Variants in XRCC1 observed in about 807,000 individuals in gnomAD.
XRCC1 encodes the protein X-ray repair cross complementing 1.
A neutral mutation model predicts 83.3 loss-of-function variants in XRCC1; 52 were observed. The ratio of observed to expected loss-of-function variants is 0.62; its 90% confidence interval spans 0.50 to 0.79. XRCC1 has a LOEUF of 0.79. Among genes scored for constraint, XRCC1 ranks in the 30% least tolerant of loss-of-function variants. XRCC1 has a pLI of 0.00. For missense variants in XRCC1, 793 were observed against 823.5 expected, an observed-to-expected ratio of 0.96 and a Z score of 0.45; for synonymous variants, 281 against 312.6, an observed-to-expected ratio of 0.90 and a Z score of 1.07.
At chr19:43,561,168 C>A in intron 2 of XRCC1, 148 bp from the exon 3 acceptor site, 1 of 681,846 alleles carries the variant, frequency 1.5e-6, no homozygotes, top group South Asian at 1.6e-5. Context: ...TGCCATGTGT[C>A]CCCTCCATGC....
rs759970912 is a variant in XRCC1, at chr19:43,552,029, C to A, written c.1070G>T (p.Ser357Ile). 1 of 1,613,904 alleles carries A rather than the reference C, an allele frequency of 6.2e-7. No individual in the cohort carries two copies. The highest frequency in any genetic ancestry group is 1.3e-5 in the African/African-American group (1 of 74,906). The change falls in exon 9 of 17, where the codon AGC becomes ATC. Residue 357 changes from serine to isoleucine, a missense_variant. Physicochemically the swap from Ser to Ile is moderately radical, Grantham distance 142 (BLOSUM62 -2). Coordinates refer to ENST00000262887, the MANE Select transcript of XRCC1 (RefSeq NM_006297.3). Reference sequence around the variant, plus strand: ...GGCGCAAGCCTACATGAGGTGCGTGCTGTCCCGGGTCCAGTCTGGCCGATA... The same window carrying A: ...GGCGCAAGCCTACATGAGGTGCGTGATGTCCCGGGTCCAGTCTGGCCGATA... ...AKYRPDWTRDSTHLICAFANT... is the reference protein window; with the variant it reads ...AKYRPDWTRDITHLICAFANT...
intron 10 of XRCC1, among the ~76,000 whole-genome samples, chr19:43,547,583 G>GC (rs1972526238): frequency 6.6e-6 from 1 of 151,828 alleles, no homozygotes; most frequent in Non-Finnish European, 1.5e-5. Flanking sequence ...CAGGGTTCGA[G>GC]CGAGTCTCCT....
intron 10 of XRCC1, among the ~76,000 whole-genome samples, chr19:43,549,928 G>C (rs1568512750): frequency 1.3e-5 from 2 of 152,166 alleles, no homozygotes; most frequent in East Asian, 3.9e-4. Flanking sequence ...CTCCCAGGCA[G>C]ATAATAACCC....
chr19:43,564,527 G>A (rs578029154), intron 2 of XRCC1, among the ~76,000 whole-genome samples: 7 of 152,272 alleles, frequency 4.6e-5, no homozygotes, highest in African/African-American at 1.4e-4. Flanking sequence ...AGTGGCTCAC[G>A]CCTGTAATCC....
At position 43,574,984 on chromosome 19, in the gene XRCC1, G is replaced by A; in HGVS notation, c.70C>T (p.Leu24Phe). The A allele has an allele frequency of 1.9e-6, 3 of 1,614,128 alleles. No individual in the cohort carries two copies. The highest frequency in any genetic ancestry group is 2.5e-6 in the Non-Finnish European group (3 of 1,179,982). ...SQDSTHCAENLLKADTYRKWR... is the reference protein window; with the variant it reads ...SQDSTHCAENFLKADTYRKWR... ...TTTCGGTAAGTGTCTGCCTTGAGAAGATTTTCTGCACAGTGAGTCTGGAAA... is the reference window on the plus strand; with the variant it reads ...TTTCGGTAAGTGTCTGCCTTGAGAAAATTTTCTGCACAGTGAGTCTGGAAA... The change falls in exon 2 of 17, where the codon CTT (leucine) becomes TTT (phenylalanine). Residue 24 changes from leucine (L) to phenylalanine (F), a missense_variant. Coordinates refer to ENST00000262887, the MANE Select transcript of XRCC1 (RefSeq NM_006297.3).
At chr19:43,560,149 G>T (rs1972682108) in intron 3 of XRCC1, among the ~76,000 whole-genome samples, 2 of 152,090 alleles carry the variant, frequency 1.3e-5, no homozygotes, top group South Asian at 4.1e-4. Flanking sequence ...CCAGCACTTT[G>T]GGAGGCTGAG....
intron 10 of XRCC1, among the ~76,000 whole-genome samples, chr19:43,551,082 C>T (rs776412522): frequency 6.6e-6 from 1 of 152,192 alleles, no homozygotes; most frequent in Non-Finnish European, 1.5e-5. Context: ...ATTCTCCTGC[C>T]TCAGCCTTCC....
At chr19:43,553,959 C>T (rs985956358) in intron 4 of XRCC1, among the ~76,000 whole-genome samples, 1 of 152,196 alleles carries the variant, frequency 6.6e-6, no homozygotes, top group African/African-American at 2.4e-5. Flanking sequence ...CTGCCCTATG[C>T]ACAAACTCCT....
intron 2 of XRCC1, among the ~76,000 whole-genome samples, chr19:43,567,036 CT>C (rs1273083040): frequency 6.6e-6 from 1 of 151,950 alleles, no homozygotes; most frequent in Non-Finnish European, 1.5e-5. Flanking sequence ...ATGGATGAAC[CT>C]CAGAAACATT....
chr19:43,557,971 T>C (rs991944460), intron 3 of XRCC1, among the ~76,000 whole-genome samples: 5 of 152,020 alleles, frequency 3.3e-5, no homozygotes, highest in African/African-American at 1.2e-4. Flanking sequence ...TTCCTTGTGA[T>C]TAATTTAGGT....
intron 2 of XRCC1, among the ~76,000 whole-genome samples, chr19:43,571,978 T>C (rs1187099631): frequency 6.6e-6 from 1 of 152,204 alleles, no homozygotes; most frequent in East Asian, 1.9e-4. Flanking sequence ...CAGCTCCACA[T>C]GTGATCCCCA....
At chr19:43,568,707 C>A (rs1183996568) in intron 2 of XRCC1, among the ~76,000 whole-genome samples, 1 of 146,116 alleles carries the variant, frequency 6.8e-6, no homozygotes, top group African/African-American at 2.5e-5. Context: ...CCCAAAAAAA[C>A]TGCTAATGGT....
At chr19:43,553,885 G>A (rs1600049790) in intron 4 of XRCC1, 1 of 505,706 alleles carries the variant, frequency 2.0e-6, no homozygotes, top group East Asian at 2.9e-5. Flanking sequence ...CTGGCTCCAA[G>A]CCCTTTTCAC....
At chr19:43,575,369 C>G (rs924172901) in intron 1 of XRCC1, 39 bp downstream of exon 1, 1 of 1,566,674 alleles carries the variant, frequency 6.4e-7, no homozygotes, top group East Asian at 2.3e-5. Flanking sequence ...CTCATTAATT[C>G]CCTCACGTCT....
rs6413430 is a variant in XRCC1 at position 43,553,385 on chromosome 19, C to T, written c.601+16G>A. 1.2e-5 allele frequency: 20 copies of T among 1,613,174 alleles called. No homozygotes were observed. In the African/African-American group the frequency reaches 1.7e-4, roughly 14 times the overall value. ...CTCAACCCTACTCACTCAGGACCCA[C>T]GTTGTCCGAGCTCACCTGGGGATGT... On this transcript the variant is annotated intron_variant, in intron 6 of 16. Coordinates refer to ENST00000262887, the MANE Select transcript of XRCC1 (RefSeq NM_006297.3).
chr19:43,546,910 C>G lies in XRCC1; in HGVS notation c.1267G>C (p.Asp423His). The G allele has an allele frequency of 6.2e-7, 1 of 1,614,044 alleles. No homozygotes were observed. The highest frequency in any genetic ancestry group is 8.5e-7 in the Non-Finnish European group (1 of 1,180,006). ...DEASHSGGSG[D>H]EAPKLPQKQP... Reference sequence around the variant, plus strand: ...TTCTGAGGAAGCTTGGGGGCTTCATCTCCGCTGCCACCGCTGTGAGAGGCC... The same window carrying G: ...TTCTGAGGAAGCTTGGGGGCTTCATGTCCGCTGCCACCGCTGTGAGAGGCC... Residue 423 changes from aspartate (D) to histidine (H), a missense_variant, in exon 11 of 17, where the codon GAT becomes CAT. Coordinates refer to ENST00000262887, the MANE Select transcript of XRCC1 (RefSeq NM_006297.3).
At chr19:43,574,054 A>C (rs1972830511) in intron 2 of XRCC1, among the ~76,000 whole-genome samples, 1 of 152,020 alleles carries the variant, frequency 6.6e-6, no homozygotes, top group African/African-American at 2.4e-5. Context: ...GGTAACGTTG[A>C]ATAATGCCAG....
chr19:43,553,489 G>A lies in XRCC1; in HGVS notation c.513C>T (p.Gly171=). The A allele has an allele frequency of 6.2e-7, 1 of 1,614,142 alleles. No homozygotes were observed. Among genetic ancestry groups the A allele is most frequent in the African/African-American group, 1.3e-5 (1 of 75,022 alleles). ...CATCCTCCTCCTTCACACGGAACTG[G>A]CCAAGCTTGGTCACTGTCACCTTCT... ...PSQKVTVTKL[G]QFRVKEEDES... The change falls in exon 6 of 17, where the codon GGC becomes GGT. Residue 171 remains glycine (G), a synonymous_variant. Transcript: ENST00000262887.
At position 43,571,726 on chromosome 19, in the gene XRCC1, A is replaced by G. The variant is rs3213265; in HGVS notation, c.144+3184T>C. Among the ~76,000 whole-genome samples, 4 of 152,306 alleles carry G rather than the reference A, an allele frequency of 2.6e-5. No homozygotes were observed. In the East Asian group the frequency reaches 5.8e-4, roughly 22 times the overall value. On this transcript the variant is annotated intron_variant, in intron 2 of 16. Coordinates refer to ENST00000262887, the MANE Select transcript of XRCC1 (RefSeq NM_006297.3). ...CCTGTGTTGCCCAAGCTGGTCTCGA[A>G]CTGCCAGGCCTTGGCCTCCCAAAGT...
Sources: gnomAD v4.1 joint callset for allele counts (sites outside exome capture counted in the v4.1 genomes callset) on GRCh38, gnomAD v4.1.1 for gene constraint, MANE v1.5 for transcripts, NCBI Gene and HGNC (gene_info 2026-07-23, HGNC 2026-07-21) for gene names.